Variants in ATP12A observed in about 807,000 individuals in gnomAD.
ATP12A encodes the protein potassium-transporting ATPase alpha chain 2.
A neutral mutation model predicts 111.2 loss-of-function variants in ATP12A; 81 were observed. That is an observed-to-expected ratio of 0.73 (90% CI 0.61 to 0.88). The LOEUF (loss-of-function observed/expected upper bound fraction) is 0.88, where lower values mean the gene tolerates loss of function less well. Among genes scored for constraint, ATP12A ranks in the 40% least tolerant of loss-of-function variants. The pLI, the probability that ATP12A is intolerant of heterozygous loss-of-function variation, is 0.00. For synonymous variants in ATP12A, 498 were observed against 499.8 expected, an observed-to-expected ratio of 1.00 and a Z score of 0.05; for missense variants, 1,196 against 1,313.1, an observed-to-expected ratio of 0.91 and a Z score of 1.38.
intron 14 of ATP12A, among the ~76,000 whole-genome samples, 187 bp from the exon 15 acceptor site, chr13:24,706,126 A>G (rs1425913370): frequency 6.6e-6 from 1 of 152,178 alleles, no homozygotes; most frequent in Admixed American, 6.5e-5. Context: ...TTTTAGCCTC[A>G]GTTTGCCCTC....
At chr13:24,709,130 C>T (rs557668741) in intron 17 of ATP12A, among the ~76,000 whole-genome samples, 27 of 151,944 alleles carry the variant, frequency 1.8e-4, no homozygotes, top group African/African-American at 6.5e-4. Flanking sequence ...TGTTTTATAA[C>T]CAGCATCCTT....
At chr13:24,692,297 C>A in intron 8 of ATP12A, 132 bp from the exon 9 acceptor site, 1 of 959,936 alleles carries the variant, frequency 1.0e-6, no homozygotes, top group Non-Finnish European at 1.5e-6. Flanking sequence ...GCGCTGACAA[C>A]CACACCTCTC....
chr13:24,686,456 A>G (rs1469481649), intron 3 of ATP12A, among the ~76,000 whole-genome samples: 2 of 149,820 alleles, frequency 1.3e-5, no homozygotes, highest in Non-Finnish European at 3.0e-5. Flanking sequence ...AAAAAAAAAA[A>G]AGGGCCGGGC....
chr13:24,708,886 G>GAA (rs1555255654), intron 17 of ATP12A, among the ~76,000 whole-genome samples: 12 of 92,322 alleles, frequency 1.3e-4, no homozygotes, highest in Non-Finnish European at 3.0e-4. Flanking sequence ...GAGAGAGAAA[G>GAA]AGAAAGAAAG....
rs1874875453 is a variant in ATP12A at position 24,691,039 on chromosome 13, C to T, written c.857C>T (p.Ala286Val). ...GACCGCACCATCATTGGCCATATTG[C>T]CTCATTGGCCTCAGGAGTTGGAAAT... ...TGDRTIIGHI[A>V]SLASGVGNEK... is the part of the protein sequence containing the mutation. The change falls in exon 8 of 23, where the codon GCC becomes GTC. Residue 286 changes from alanine (A) to valine (V), a missense_variant. Physicochemically the swap from Ala to Val is moderately conservative, Grantham distance 64. Transcript: ENST00000381946. The T allele has an allele frequency of 2.5e-6, 4 of 1,614,096 alleles. No homozygotes were observed. The South Asian group carries it at 4.4e-5, about 18-fold the overall frequency.
chr13:24,707,835 C>A (rs1053236453), intron 17 of ATP12A, among the ~76,000 whole-genome samples: 4 of 152,156 alleles, frequency 2.6e-5, no homozygotes, highest in Non-Finnish European at 5.9e-5. Flanking sequence ...TGTGCCACCA[C>A]ACCTGGCTAA....
chr13:24,707,451 G>A lies in ATP12A; in HGVS notation c.2493+18G>A, dbSNP rs780269045. ...CAGACATTGTAAGTGACACTGAAGG[G>A]AACAGGCTGTGATGCCTGCCCCAGG... On this transcript the variant is annotated intron_variant, in intron 17 of 22. Transcript: ENST00000381946. 6.2e-6 allele frequency: 10 copies of A among 1,613,890 alleles called. No homozygotes were observed. Among genetic ancestry groups the A allele is most frequent in the Non-Finnish European group, 8.5e-6 (10 of 1,179,944 alleles).
chr13:24,702,168 G>A (rs1165401082), intron 14 of ATP12A, 97 bp downstream of exon 14: 12 of 1,487,734 alleles, frequency 8.1e-6, no homozygotes, highest in Non-Finnish European at 1.0e-5. Flanking sequence ...TCAGCTTTTT[G>A]CTCTCAGAGT....
rs1286760337 is a variant in ATP12A, at chr13:24,712,317, T to C, written c.*795T>C. 1 of 152,270 alleles carries C rather than the reference T, an allele frequency of 6.6e-6. No individual in the cohort carries two copies. The highest frequency in any genetic ancestry group is 1.5e-5 in the Non-Finnish European group (1 of 68,054). The allele number at this position is 152,270 out of a possible 1,614,324, so 9.4% of individuals were successfully genotyped here. A position where few individuals can be genotyped will look rare whatever the true frequency, so the allele number is the denominator to read the frequency against. On this transcript the variant is annotated 3_prime_UTR_variant, in exon 23 of 23. Transcript: ENST00000381946. ...AGCTGTTATGGTTTCAATAGTCATA[T>C]TTATTTCTTGTAAAACAGTTGCCAG...
intron 17 of ATP12A, among the ~76,000 whole-genome samples, chr13:24,708,618 G>A (rs1875770150): frequency 6.6e-6 from 1 of 152,072 alleles, no homozygotes; most frequent in African/African-American, 2.4e-5. Flanking sequence ...GTGGACACCT[G>A]TAGCCTAGCT....
intron 4 of ATP12A, 139 bp downstream of exon 4, chr13:24,688,661 A>C (rs946297535): frequency 1.1e-6 from 1 of 881,922 alleles, no homozygotes; most frequent in Non-Finnish European, 1.6e-6. Flanking sequence ...CAGAAATTCT[A>C]TCTGGCTTTC....
chr13:24,682,057 A>C (rs796974131), intron 2 of ATP12A, among the ~76,000 whole-genome samples: 1 of 51,172 alleles, frequency 2.0e-5, no homozygotes, highest in Non-Finnish European at 3.8e-5. Context: ...GTGTGTGTGT[A>C]TGGTGTGTGT....
rs1449873867 is a variant in ATP12A at position 24,701,908 on chromosome 13, T to C, written c.1882-27T>C. The C allele has an allele frequency of 2.5e-6, 4 of 1,614,116 alleles. No homozygotes were observed. In the East Asian group the frequency reaches 8.9e-5, roughly 36 times the overall value. The stretch of plus-strand genomic sequence containing the variant: ...GGCCAACCGAGTTCTTCATTACCCG[T>C]GGGCCTTCTCGTTGTCTTTGCTCTA... On this transcript the variant is annotated intron_variant, in intron 13 of 22. Transcript: ENST00000381946.
intron 8 of ATP12A, 47 bp downstream of exon 8, chr13:24,691,297 G>A: frequency 6.4e-7 from 1 of 1,564,086 alleles, no homozygotes; most frequent in Non-Finnish European, 8.6e-7. Flanking sequence ...TGTGGACACA[G>A]CACTGGTGCT....
chr13:24,700,939 T>G lies in ATP12A; in HGVS notation c.1881+17T>G, dbSNP rs763625484. The stretch of plus-strand genomic sequence containing the variant: ...GGGATCAAGGTGGGAGTTATTTTCC[T>G]GACTCAAGAAGTTCTTTCTTTATGT... On this transcript the variant is annotated intron_variant, in intron 13 of 22. Coordinates refer to ENST00000381946, the MANE Select transcript of ATP12A (RefSeq NM_001676.7). The G allele has an allele frequency of 6.2e-7, 1 of 1,610,852 alleles. No individual in the cohort carries two copies. The highest frequency in any genetic ancestry group is 8.5e-7 in the Non-Finnish European group (1 of 1,177,724).
rs763156865 is a variant in ATP12A, at chr13:24,710,939, T to C, written c.2999+46T>C. 6 of 1,556,182 alleles carry C rather than the reference T, an allele frequency of 3.9e-6. No homozygotes were observed. In the South Asian group the frequency reaches 6.7e-5, roughly 17 times the overall value. On this transcript the variant is annotated intron_variant, in intron 21 of 22. Transcript: ENST00000381946. ...ATGGAGGAAAGAGCCAGCCTCTGCT[T>C]TGAGCTGTCGCAGCCTAAATAAACC...
intron 15 of ATP12A, 75 bp from the exon 16 acceptor site, chr13:24,706,948 T>C: frequency 1.6e-5 from 23 of 1,469,150 alleles, no homozygotes; most frequent in Non-Finnish European, 2.1e-5. Context: ...GAAAGGGAAG[T>C]CTTGTTGCTC....
rs747481126 is a variant in ATP12A at position 24,692,638 on chromosome 13, T to C, written c.1267+11T>C. On this transcript the variant is annotated intron_variant, in intron 9 of 22. Transcript: ENST00000381946. ...GTGAGGACCATTCAAGTAAGTCTTATGGAGAGCTCGGTCTGGCCAAAGCTG... is the reference window on the plus strand; with the variant it reads ...GTGAGGACCATTCAAGTAAGTCTTACGGAGAGCTCGGTCTGGCCAAAGCTG... 1.1e-5 allele frequency: 17 copies of C among 1,609,308 alleles called. No individual in the cohort carries two copies. The highest frequency in any genetic ancestry group is 3.3e-5 in the Admixed American group (2 of 59,908).
chr13:24,705,358 A>G (rs1358124244), intron 14 of ATP12A, among the ~76,000 whole-genome samples: 1 of 152,216 alleles, frequency 6.6e-6, no homozygotes, highest in African/African-American at 2.4e-5. Flanking sequence ...CGCAGGCCCC[A>G]CCTGGGCTCG....
Sources: gnomAD v4.1 joint callset for allele counts (sites outside exome capture counted in the v4.1 genomes callset) on GRCh38, gnomAD v4.1.1 for gene constraint, MANE v1.5 for transcripts, NCBI Gene and HGNC (gene_info 2026-07-23, HGNC 2026-07-21) for gene names.